The following STAM2 variants were observed in gnomAD, a reference collection of about 807,000 sequenced individuals.
The protein encoded by STAM2 is signal transducing adaptor molecule 2, also known as signal transducing adapter molecule 2.
STAM2 carries 51 observed loss-of-function variants against 65.6 expected under a neutral mutation model. The ratio of observed to expected loss-of-function variants is 0.78; its 90% CI spans 0.62 to 0.98. The LOEUF is 0.98. Ranked by LOEUF, STAM2 falls within the 50% of genes least tolerant of loss-of-function variation. The pLI is 0.00. For missense variants in STAM2, 584 were observed against 617.8 expected (o/e 0.95, Z 0.58); for synonymous variants, 198 against 208.4 (o/e 0.95, Z 0.43).
At chr2:152,153,445 C>T (rs928044325) in intron 1 of STAM2, among the ~76,000 whole-genome samples, 2 of 151,400 alleles carry the variant, frequency 1.3e-5, no homozygotes, top group Non-Finnish European at 2.9e-5. Context: ...AACTATACTT[C>T]GTGAGTAAAG....
At chr2:152,146,392 A>AG (rs1163437524) in intron 5 of STAM2, among the ~76,000 whole-genome samples, 2 of 152,132 alleles carry the variant, frequency 1.3e-5, no homozygotes, top group Non-Finnish European at 2.9e-5. Flanking sequence ...GGAAGGAATA[A>AG]GGTACTGAGA....
At chr2:152,160,556 G>A (rs1246404306) in intron 1 of STAM2, among the ~76,000 whole-genome samples, 1 of 151,770 alleles carries the variant, frequency 6.6e-6, no homozygotes, top group Non-Finnish European at 1.5e-5. Context: ...CGGGAGGGAG[G>A]TGGGGGTCAG....
chr2:152,173,564 T>C (rs1426623856), intron 1 of STAM2, among the ~76,000 whole-genome samples: 1 of 151,748 alleles, frequency 6.6e-6, no homozygotes, highest in East Asian at 1.9e-4. Context: ...GCCTGGCTAA[T>C]TTTTTGTATT....
At chr2:152,132,498 T>A (rs777402847) in intron 10 of STAM2, among the ~76,000 whole-genome samples, 6 of 152,200 alleles carry the variant, frequency 3.9e-5, no homozygotes, top group Non-Finnish European at 8.8e-5. Flanking sequence ...AGCCACAGTA[T>A]ATAAACTATG....
intron 1 of STAM2, among the ~76,000 whole-genome samples, chr2:152,156,681 G>A (rs745724951): frequency 6.6e-6 from 1 of 151,874 alleles, no homozygotes; most frequent in Non-Finnish European, 1.5e-5. Context: ...TACCTACAAG[G>A]AACAAAAAGG....
chr2:152,132,021 A>C, intron 11 of STAM2, 93 bp downstream of exon 11: 1 of 831,170 alleles, frequency 1.2e-6, no homozygotes, highest in Non-Finnish European at 2.0e-6. Flanking sequence ...TGAATTGTAC[A>C]GTTCCACAAA....
At chr2:152,137,104 G>C (rs1560213961) in intron 7 of STAM2, among the ~76,000 whole-genome samples, 2 of 151,994 alleles carry the variant, frequency 1.3e-5, no homozygotes, top group East Asian at 3.9e-4. Context: ...TGGCCAGGCT[G>C]GTCTCAAACT....
At chr2:152,122,453 T>C (rs1688873075) in intron 13 of STAM2, among the ~76,000 whole-genome samples, 1 of 152,094 alleles carries the variant, frequency 6.6e-6, no homozygotes, top group African/African-American at 2.4e-5. Context: ...ATTATGTAAT[T>C]TTAAATTCCA....
chr2:152,172,796 G>A (rs59342964), intron 1 of STAM2, among the ~76,000 whole-genome samples: 22,460 of 150,954 alleles, frequency 0.15, 2,571 homozygotes, highest in East Asian at 0.58. Flanking sequence ...ACTTGAACCC[G>A]GGAGGCGGGG....
rs976650847 is a variant in STAM2, at chr2:152,133,208, G to A, written c.935C>T (p.Ser312Leu). The change falls in exon 10 of 14, where the codon TCA becomes TTA. Residue 312 changes from serine (S) to leucine (L), a missense_variant. Coordinates refer to ENST00000263904, the MANE Select transcript of STAM2 (RefSeq NM_005843.6). Reference protein sequence around the residue: ...QVLQSIDPTDSKPDSQDLLDL... With the variant: ...QVLQSIDPTDLKPDSQDLLDL... ...CAAAAGGTCTTGGGAGTCTGGTTTT[G>A]AATCTGTTGGATCTATACTCTGAAG... 2 of 1,602,610 alleles carry A rather than the reference G, an allele frequency of 1.2e-6. No individual in the cohort carries two copies. The highest frequency in any genetic ancestry group is 1.1e-5 in the South Asian group (1 of 88,634).
intron 2 of STAM2, among the ~76,000 whole-genome samples, chr2:152,149,494 C>A (rs745444632): frequency 3.6e-5 from 5 of 140,722 alleles, no homozygotes; most frequent in Non-Finnish European, 6.0e-5. Flanking sequence ...TAATAGTCTA[C>A]TCTTTTTTTT....
chr2:152,169,246 T>C (rs67135983), intron 1 of STAM2, among the ~76,000 whole-genome samples: 22,656 of 152,138 alleles, frequency 0.15, 1,956 homozygotes, highest in Middle Eastern at 0.32. Context: ...ATCAATTTTG[T>C]TTTATTTTTT....
chr2:152,160,891 G>A (rs1335423002), intron 1 of STAM2, among the ~76,000 whole-genome samples: 11 of 150,382 alleles, frequency 7.3e-5, no homozygotes, highest in Non-Finnish European at 1.0e-4. Flanking sequence ...TCAGCCCCCC[G>A]CCTGGCCAGC....
At chr2:152,139,815 GAAAGA>G (rs1226978547) in intron 7 of STAM2, among the ~76,000 whole-genome samples, 1 of 151,812 alleles carries the variant, frequency 6.6e-6, no homozygotes, top group African/African-American at 2.4e-5. Context: ...AAGTATTCAT[GAAAGA>G]TAAACAAAAA....
chr2:152,126,536 G>A (rs143334020), intron 11 of STAM2, among the ~76,000 whole-genome samples, 157 bp from the exon 12 acceptor site: 1 of 152,146 alleles, frequency 6.6e-6, no homozygotes, highest in East Asian at 1.9e-4. Context: ...CTAAGAGGAA[G>A]AACTGCTTAA....
At chr2:152,157,043 T>C (rs910201813) in intron 1 of STAM2, among the ~76,000 whole-genome samples, 4 of 152,110 alleles carry the variant, frequency 2.6e-5, no homozygotes, top group African/African-American at 7.2e-5. Flanking sequence ...AGCCTCACGA[T>C]GGCCTCAGCT....
rs531662683 is a variant in STAM2, at chr2:152,119,712, C to G, written c.*862G>C. 121 of 152,294 alleles carry G rather than the reference C, an allele frequency of 7.9e-4. No individual in the cohort carries two copies. The highest frequency in any genetic ancestry group is 2.8e-3 in the African/African-American group (116 of 41,566). 9.4% of individuals were successfully genotyped at this position (152,294 alleles called of 1,614,324 possible). On this transcript the variant is annotated 3_prime_UTR_variant, in exon 14 of 14. Coordinates refer to ENST00000263904, the MANE Select transcript of STAM2 (RefSeq NM_005843.6). ...AATCACTTGAAAAGGTTATTAGTGACAATTCTAAATACCAGAGATACATGT... is the reference window on the plus strand; with the variant it reads ...AATCACTTGAAAAGGTTATTAGTGAGAATTCTAAATACCAGAGATACATGT...
At chr2:152,159,061 A>G (rs1689607153) in intron 1 of STAM2, among the ~76,000 whole-genome samples, 2 of 145,802 alleles carry the variant, frequency 1.4e-5, no homozygotes, top group Admixed American at 1.4e-4. Context: ...AAATTGCAGT[A>G]TAAGAACCAA....
At chr2:152,144,832 C>A in intron 6 of STAM2, 56 bp downstream of exon 6, 1 of 1,511,180 alleles carries the variant, frequency 6.6e-7, no homozygotes, top group South Asian at 1.1e-5. Context: ...CCACCGCGCC[C>A]AGCCCTGGCA....
Sources: allele counts gnomAD v4.1 joint callset (sites outside exome capture counted in the v4.1 genomes callset), GRCh38; gene constraint gnomAD v4.1.1; transcripts MANE v1.5; gene names NCBI Gene and HGNC (gene_info 2026-07-23, HGNC 2026-07-21).